Variants in PSD3 observed in about 807,000 individuals in gnomAD.
PSD3 encodes PH and SEC7 domain-containing protein 3.
Under a neutral mutation model 105.5 loss-of-function variants are expected in PSD3, and 49 were observed. The observed-to-expected ratio is 0.46, with a 90% CI of 0.37 to 0.59. PSD3 has a LOEUF of 0.59. Ranked by LOEUF, PSD3 falls within the 20% of genes least tolerant of loss-of-function variation. The pLI, the probability that PSD3 is intolerant of heterozygous loss-of-function variation, is 0.00. For synonymous variants in PSD3, 557 were observed against 457.8 expected, an observed-to-expected ratio of 1.22 and a Z score of -2.77; for missense variants, 1,561 against 1,263.8, an observed-to-expected ratio of 1.24 and a Z score of -3.57.
At chr8:18,964,643 T>A in intron 1 of PSD3, among the ~76,000 whole-genome samples, 1 of 152,108 alleles carries the variant, frequency 6.6e-6, no homozygotes, top group East Asian at 1.9e-4. Flanking sequence ...CCTTCCTTGA[T>A]CTCCAAAGCT....
rs1554562148 is a variant in PSD3 at position 18,991,373 on chromosome 8, T to TACATACAC, written c.21+22189_21+22190insGTGTATGT. Reference sequence around the variant, plus strand: ...ACACATACACACACACACACACACATACACACACACACACACACACACACA... The same window carrying TACATACAC: ...ACACATACACACACACACACACACATACATACACACACACACACACACACACACACACA... On this transcript the variant is annotated intron_variant, in intron 1 of 15. Transcript: ENST00000327040. Among the ~76,000 whole-genome samples, 4 of 100,088 alleles carry TACATACAC rather than the reference T, an allele frequency of 4.0e-5. No individual in the cohort carries two copies. The East Asian group carries it at 8.5e-4, about 21-fold the overall frequency. 65.7% of individuals were successfully genotyped at this position (100,088 alleles called of 152,430 possible). A position where few individuals can be genotyped will look rare whatever the true frequency, so the allele number is the denominator to read the frequency against.
At chr8:18,813,639 T>C (rs930003308) in intron 4 of PSD3, among the ~76,000 whole-genome samples, 15 of 152,308 alleles carry the variant, frequency 9.8e-5, no homozygotes, top group African/African-American at 3.6e-4. Context: ...ATTATTAATT[T>C]AGAAGATGCC....
At chr8:19,060,616 A>G (rs891522763) in intron 1 of PSD3, among the ~76,000 whole-genome samples, 2 of 152,236 alleles carry the variant, frequency 1.3e-5, no homozygotes, top group South Asian at 2.1e-4. Flanking sequence ...CCTGGGCAAC[A>G]GAGTGAGACC....
In PSD3 at chr8:19,075,906, A is replaced by C. The variant is rs6586801; in HGVS notation, c.324+8300T>G. ...AATTTAATAATGAATATGGTAACTT[A>C]CACGTAATCAACAATGTAATTCCTG... On this transcript the variant is annotated intron_variant, in intron 1 of 1. Coordinates refer to the PSD3 transcript ENST00000521475. Among the ~76,000 whole-genome samples the C allele has an allele frequency of 7.9e-3, 1,197 of 152,380 alleles. 14 individuals are homozygous for C. Among genetic ancestry groups the C allele is most frequent in the African/African-American group, 0.026 (1,080 of 41,582 alleles).
At chr8:18,982,192 A>T (rs1825281355) in intron 1 of PSD3, among the ~76,000 whole-genome samples, 1 of 152,236 alleles carries the variant, frequency 6.6e-6, no homozygotes, top group Non-Finnish European at 1.5e-5. Context: ...TTCATTCATA[A>T]GAAGCTACTC....
chr8:18,845,977 G>A (rs1162039577), intron 4 of PSD3, among the ~76,000 whole-genome samples: 1 of 152,144 alleles, frequency 6.6e-6, no homozygotes, highest in Non-Finnish European at 1.5e-5. Flanking sequence ...CTAAATCAAT[G>A]GTATGAGCCT....
At chr8:18,913,086 A>AACACACACAC (rs72253853) in intron 2 of PSD3, among the ~76,000 whole-genome samples, 63 of 130,536 alleles carry the variant, frequency 4.8e-4, no homozygotes, top group Middle Eastern at 3.8e-3. Flanking sequence ...CACACACACA[A>AACACACACAC]ACACACACAC....
chr8:18,993,065 A>G (rs1409459452), intron 1 of PSD3, among the ~76,000 whole-genome samples: 2 of 152,214 alleles, frequency 1.3e-5, no homozygotes, highest in Non-Finnish European at 2.9e-5. Context: ...TTAATCCAGA[A>G]TATCTAGGGA....
intron 9 of PSD3, among the ~76,000 whole-genome samples, chr8:18,685,917 G>A (rs770527722): frequency 2.0e-5 from 3 of 152,056 alleles, no homozygotes; most frequent in African/African-American, 7.2e-5. Flanking sequence ...GACAGTGCAC[G>A]GGCTTAAAAG....
intron 9 of PSD3, among the ~76,000 whole-genome samples, chr8:18,659,360 T>A (rs528702921): frequency 6.6e-6 from 1 of 152,224 alleles, no homozygotes; most frequent in Non-Finnish European, 1.5e-5. Flanking sequence ...TCCTTTCTGA[T>A]GGTAAGGGAA....
chr8:18,966,658 C>T (rs554547717), intron 1 of PSD3, among the ~76,000 whole-genome samples: 62 of 151,918 alleles, frequency 4.1e-4, no homozygotes, highest in Admixed American at 1.8e-3. Flanking sequence ...TGCCCTACAA[C>T]TGTTCTTCTC....
intron 8 of PSD3, among the ~76,000 whole-genome samples, chr8:18,770,402 C>A (rs957462212): frequency 1.3e-5 from 2 of 152,106 alleles, no homozygotes; most frequent in South Asian, 2.1e-4. Flanking sequence ...TTAAAAATAT[C>A]TTTTCCCATT....
At chr8:18,737,883 G>T (rs773152088) in intron 9 of PSD3, among the ~76,000 whole-genome samples, 1 of 152,084 alleles carries the variant, frequency 6.6e-6, no homozygotes, top group African/African-American at 2.4e-5. Context: ...TATTGTTTTT[G>T]CAAGTATGCC....
At chr8:19,061,052 G>T (rs1050010953) in intron 1 of PSD3, among the ~76,000 whole-genome samples, 1 of 152,176 alleles carries the variant, frequency 6.6e-6, no homozygotes, top group Non-Finnish European at 1.5e-5. Context: ...GCCTTGGCAT[G>T]CTCCATGGGC....
At chr8:18,623,864 A>T (rs2130726945) in intron 11 of PSD3, among the ~76,000 whole-genome samples, 1 of 152,260 alleles carries the variant, frequency 6.6e-6, no homozygotes, top group South Asian at 2.1e-4. Flanking sequence ...TCTTACTAAA[A>T]ATAGTATTGT....
intron 10 of PSD3, among the ~76,000 whole-genome samples, chr8:18,655,356 C>T (rs1273422765): frequency 6.7e-6 from 1 of 149,860 alleles, no homozygotes; most frequent in Non-Finnish European, 1.5e-5. Context: ...AATTAAAAGA[C>T]AATTAATTAC....
chr8:18,671,143 A>AG (rs1288127775), intron 9 of PSD3, among the ~76,000 whole-genome samples: 3 of 152,186 alleles, frequency 2.0e-5, no homozygotes. Flanking sequence ...GCAGGAAAAA[A>AG]GAACAATAAA....
intron 10 of PSD3, among the ~76,000 whole-genome samples, chr8:18,640,710 G>A (rs1294959787): frequency 2.0e-5 from 3 of 152,128 alleles, no homozygotes; most frequent in South Asian, 2.1e-4. Context: ...GCATGAGAAT[G>A]GACTAATACA....
intron 12 of PSD3, among the ~76,000 whole-genome samples, chr8:18,587,074 G>A (rs1459722974): frequency 6.6e-6 from 1 of 152,142 alleles, no homozygotes; most frequent in Non-Finnish European, 1.5e-5. Flanking sequence ...CACCCAAATA[G>A]TGGGGGATTG....
Sources: gnomAD v4.1 joint callset for allele counts (sites outside exome capture counted in the v4.1 genomes callset) on GRCh38, gnomAD v4.1.1 for gene constraint, MANE v1.5 for transcripts, NCBI Gene and HGNC (gene_info 2026-07-23, HGNC 2026-07-21) for gene names.